The following OPCML variants were observed in gnomAD, a reference collection of about 807,000 sequenced individuals.
OPCML encodes the protein opioid-binding protein/cell adhesion molecule.
Under a neutral mutation model 37.8 loss-of-function variants are expected in OPCML, and 13 were observed. The ratio of observed to expected loss-of-function variants is 0.34; its 90% CI spans 0.22 to 0.55. The LOEUF (loss-of-function observed/expected upper bound fraction) is 0.55, where lower values mean the gene tolerates loss of function less well. Among genes scored for constraint, OPCML ranks in the 20% least tolerant of loss-of-function variants. The probability of loss-of-function intolerance (pLI) is 0.91; values close to 1 mark genes in which losing one functional copy is unlikely to be tolerated. For missense variants in OPCML, 341 were observed against 435.6 expected, an observed-to-expected ratio of 0.78 and a Z score of 1.93; for synonymous variants, 176 against 168.8, an observed-to-expected ratio of 1.04 and a Z score of -0.33.
intron 3 of OPCML, among the ~76,000 whole-genome samples, chr11:132,635,567 G>A (rs892806420): frequency 3.1e-5 from 4 of 127,756 alleles, no homozygotes; most frequent in Admixed American, 8.7e-5. Flanking sequence ...CATGATATAT[G>A]TCTTGCCTAC....
At chr11:133,458,534 TAC>T (rs1471586736) in intron 1 of OPCML, among the ~76,000 whole-genome samples, 1 of 108,424 alleles carries the variant, frequency 9.2e-6, no homozygotes, top group South Asian at 2.5e-4. Context: ...TGTGTGTGTA[TAC>T]ACATATATAC....
At chr11:133,311,051 A>G (rs766344733) in intron 1 of OPCML, among the ~76,000 whole-genome samples, 1 of 152,202 alleles carries the variant, frequency 6.6e-6, no homozygotes, top group East Asian at 1.9e-4. Context: ...AGGTATTACA[A>G]AGCTCCAACT....
At chr11:132,739,910 A>G (rs576798592) in intron 2 of OPCML, among the ~76,000 whole-genome samples, 1 of 152,246 alleles carries the variant, frequency 6.6e-6, no homozygotes, top group South Asian at 2.1e-4. Flanking sequence ...TGCTTATTCA[A>G]CCTATTTCGA....
chr11:132,895,979 T>G (rs960970251), intron 2 of OPCML, among the ~76,000 whole-genome samples: 2 of 152,168 alleles, frequency 1.3e-5, no homozygotes, highest in African/African-American at 4.8e-5. Flanking sequence ...GAATGCATAC[T>G]GAGAGTGTGG....
intron 1 of OPCML, among the ~76,000 whole-genome samples, chr11:133,449,994 T>C (rs927234829): frequency 1.3e-5 from 2 of 151,644 alleles, no homozygotes; most frequent in Non-Finnish European, 2.9e-5. Flanking sequence ...TCTGGGAAAA[T>C]GTCTTCTTAT....
At position 132,688,811 on chromosome 11, in the gene OPCML, G is replaced by A. The variant is rs1314624318; in HGVS notation, c.147-31492C>T. 7.9e-5 allele frequency among the ~76,000 whole-genome samples: 6 copies of A among 75,790 alleles called. 2 individuals carry two copies. The highest frequency in any genetic ancestry group is 1.6e-4 in the Non-Finnish European group (6 of 37,468). 49.7% of individuals were successfully genotyped at this position (75,790 alleles called of 152,430 possible). A position where few individuals can be genotyped will look rare whatever the true frequency, so the allele number is the denominator to read the frequency against. On this transcript the variant is annotated intron_variant, in intron 2 of 7. Transcript: ENST00000524381. Reference sequence around the variant, plus strand: ...AAAAAATACAAAAAATTAGCCGGGCGCGGTGGCGGGCGCCTGTAGTCCCAG... The same window carrying A: ...AAAAAATACAAAAAATTAGCCGGGCACGGTGGCGGGCGCCTGTAGTCCCAG...
intron 4 of OPCML, among the ~76,000 whole-genome samples, chr11:132,477,198 C>G (rs2096159400): frequency 6.6e-6 from 1 of 152,190 alleles, no homozygotes; most frequent in Admixed American, 6.5e-5. Context: ...CAAGATGGCT[C>G]TTGAAGCCAA....
intron 1 of OPCML, among the ~76,000 whole-genome samples, chr11:133,048,682 A>G (rs1310886417): frequency 6.6e-6 from 1 of 152,196 alleles, no homozygotes; most frequent in African/African-American, 2.4e-5. Context: ...CCCCAGAAGA[A>G]AGAACTATAC....
chr11:133,430,784 CACAAT>C (rs1946099802), intron 1 of OPCML, among the ~76,000 whole-genome samples: 1 of 152,166 alleles, frequency 6.6e-6, no homozygotes, highest in African/African-American at 2.4e-5. Flanking sequence ...AAGTTACAAT[CACAAT>C]ACAATCACAA....
intron 1 of OPCML, among the ~76,000 whole-genome samples, chr11:133,204,571 G>C (rs902557947): frequency 3.9e-5 from 6 of 152,140 alleles, no homozygotes; most frequent in African/African-American, 1.4e-4. Context: ...TATGCAAACA[G>C]TGAGTTTCTT....
At chr11:133,362,153 C>T (rs1426747775) in intron 1 of OPCML, 1 of 152,244 alleles carries the variant, frequency 6.6e-6, no homozygotes, top group Non-Finnish European at 1.5e-5. Flanking sequence ...CTTCCTGATA[C>T]GTAGAGCCCA....
At chr11:132,658,230 G>A (rs1029810076) in intron 2 of OPCML, among the ~76,000 whole-genome samples, 2 of 152,216 alleles carry the variant, frequency 1.3e-5, no homozygotes, top group Non-Finnish European at 2.9e-5. Flanking sequence ...ACTCCATGCT[G>A]CACATAGGAA....
chr11:132,516,880 A>C (rs1383585261), intron 4 of OPCML, among the ~76,000 whole-genome samples: 1 of 151,800 alleles, frequency 6.6e-6, no homozygotes, highest in Non-Finnish European at 1.5e-5. Flanking sequence ...TCTCAGACTG[A>C]CTCTAGCTGA....
intron 4 of OPCML, among the ~76,000 whole-genome samples, chr11:132,497,641 C>T (rs2096235620): frequency 6.6e-6 from 1 of 152,022 alleles, no homozygotes; most frequent in Non-Finnish European, 1.5e-5. Flanking sequence ...ATACCATGCC[C>T]TGAAGTGGGA....
chr11:133,050,777 A>C (rs1948115770), intron 1 of OPCML, among the ~76,000 whole-genome samples: 1 of 150,962 alleles, frequency 6.6e-6, no homozygotes, highest in Non-Finnish European at 1.5e-5. Context: ...TGGCCAGCTC[A>C]GGTAAGTTTG....
intron 4 of OPCML, among the ~76,000 whole-genome samples, chr11:132,486,588 T>C (rs1317338710): frequency 6.6e-6 from 1 of 152,232 alleles, no homozygotes; most frequent in Non-Finnish European, 1.5e-5. Context: ...ACATATTTAC[T>C]TTTATTTAAG....
chr11:132,602,332 A>C (rs1937977699), intron 3 of OPCML, among the ~76,000 whole-genome samples: 1 of 152,244 alleles, frequency 6.6e-6, no homozygotes, highest in African/African-American at 2.4e-5. Flanking sequence ...AGGAAATGTC[A>C]AAGAAAAACC....
At chr11:133,244,514 T>C (rs569238378) in intron 1 of OPCML, among the ~76,000 whole-genome samples, 1 of 152,190 alleles carries the variant, frequency 6.6e-6, no homozygotes, top group East Asian at 1.9e-4. Flanking sequence ...GTCTGGGATA[T>C]GGTTTGGCTC....
chr11:132,685,636 T>G (rs757345602), intron 2 of OPCML, among the ~76,000 whole-genome samples: 30 of 152,304 alleles, frequency 2.0e-4, no homozygotes, highest in Middle Eastern at 3.4e-3. Flanking sequence ...GTCTCCCTTT[T>G]TTTGATAGTT....
Sources: allele counts gnomAD v4.1 joint callset (sites outside exome capture counted in the v4.1 genomes callset), GRCh38; gene constraint gnomAD v4.1.1; transcripts MANE v1.5; gene names NCBI Gene and HGNC (gene_info 2026-07-23, HGNC 2026-07-21).